The following CST8 variants were observed in gnomAD, a reference collection of about 807,000 sequenced individuals.
CST8 encodes the protein cystatin-8.
CST8 carries 20 observed loss-of-function variants against 11.8 expected under a neutral mutation model. The ratio of observed to expected loss-of-function variants is 1.70; its 90% CI spans 1.20 to 2.47. The LOEUF is 2.47. Among genes scored for constraint, CST8 ranks in the 30% most tolerant of loss-of-function variants. The pLI is 0.00. For missense variants in CST8, 196 were observed against 167.2 expected, an observed-to-expected ratio of 1.17 and a Z score of -0.95; for synonymous variants, 77 against 63.1, an observed-to-expected ratio of 1.22 and a Z score of -1.05.
chr20:23,499,273 G>A (rs1437811531), downstream of CST8, among the ~76,000 whole-genome samples: 1 of 152,156 alleles, frequency 6.6e-6, no homozygotes, highest in East Asian at 1.9e-4. Context: ...TTAATTTAAT[G>A]TTATCTCTTT....
chr20:23,491,847 C>T lies in CST8; in HGVS notation c.180C>T (p.Ser60=), dbSNP rs558256451. The T allele has an allele frequency of 4.3e-5, 70 of 1,614,148 alleles. 1 individual carries two copies. Among genetic ancestry groups the T allele is most frequent in the Admixed American group, 1.7e-4 (10 of 60,020 alleles). Residue 60 remains serine, a synonymous_variant, in exon 2 of 4, where the codon AGC becomes AGT. Transcript: ENST00000246012. Reference sequence around the variant, plus strand: ...CCATGCAAGAATACAACAAAGAGAGCGAGGACAAGTATGTCTTCCTGGTGG... The same window carrying T: ...CCATGCAAGAATACAACAAAGAGAGTGAGGACAAGTATGTCTTCCTGGTGG... ...WFAMQEYNKE[S]EDKYVFLVVK...
At position 23,491,604 on chromosome 20, in the gene CST8, G is replaced by A; in HGVS notation, c.-64G>A. 7.6e-7 allele frequency: 1 copy of A among 1,309,126 alleles called. No individual in the cohort carries two copies. Among genetic ancestry groups the A allele is most frequent in the Non-Finnish European group, 1.1e-6 (1 of 911,532 alleles). 81.1% of individuals were successfully genotyped at this position (1,309,126 alleles called of 1,614,324 possible). ...GCAGCAGCTGCGGCCACCCCATCCT[G>A]CCCACAGCTCCAGCCCTGAGACGAC... On this transcript the variant is annotated 5_prime_UTR_variant, in exon 2 of 4. Transcript: ENST00000246012.
intron 1 of CST8, 43 bp from the exon 2 acceptor site, chr20:23,491,482 A>C: frequency 1.7e-6 from 1 of 600,602 alleles, no homozygotes; most frequent in Admixed American, 3.0e-5. Flanking sequence ...GAAAGAGAGG[A>C]CAAACCCCAA....
downstream of CST8, among the ~76,000 whole-genome samples, chr20:23,500,583 AC>A (rs768570889): frequency 6.6e-6 from 1 of 152,058 alleles, no homozygotes; most frequent in Non-Finnish European, 1.5e-5. Context: ...TCCTTCTCCT[AC>A]GTGGTTGGTA....
At chr20:23,491,936 T>C (rs1213098970) in intron 2 of CST8, 38 bp downstream of exon 2, 2 of 1,521,792 alleles carry the variant, frequency 1.3e-6, no homozygotes, top group Admixed American at 3.3e-5. Flanking sequence ...CATTTGCATA[T>C]GGTGGCACAG....
the CST8 span, among the ~76,000 whole-genome samples, chr20:23,502,175 C>T: frequency 1.3e-5 from 2 of 152,192 alleles, no homozygotes; most frequent in Admixed American, 1.3e-4. Flanking sequence ...GGTGTAGCCA[C>T]AGAAGCCACC....
chr20:23,505,634 T>C, the CST8 span, among the ~76,000 whole-genome samples: 2 of 152,172 alleles, frequency 1.3e-5, no homozygotes, highest in Admixed American at 1.3e-4. Context: ...TGGTCTGATT[T>C]GCCCCGATTC....
the CST8 span, among the ~76,000 whole-genome samples, chr20:23,504,183 C>G: frequency 1.3e-5 from 2 of 152,268 alleles, no homozygotes; most frequent in East Asian, 3.9e-4. Context: ...AAATAATGAC[C>G]TCCTGAAGCC....
At position 23,491,547 on chromosome 20, in the gene CST8, C is replaced by T. The variant is rs933339215; in HGVS notation, c.-121C>T. ...CAGCTGGGCTGACGCTAACAGGAGG[C>T]AGTGTGTGGCTCGAAGATTCTTGAA... On this transcript the variant is annotated 5_prime_UTR_variant, in exon 2 of 4. Transcript: ENST00000246012. The T allele has an allele frequency of 1.3e-6, 1 of 741,766 alleles. No individual in the cohort carries two copies. The highest frequency in any genetic ancestry group is 2.3e-6 in the Non-Finnish European group (1 of 428,428). 45.9% of individuals were successfully genotyped at this position (741,766 alleles called of 1,614,324 possible). A position where few individuals can be genotyped will look rare whatever the true frequency, so the allele number is the denominator to read the frequency against.
chr20:23,499,046 TGATA>T, downstream of CST8, among the ~76,000 whole-genome samples: 1 of 152,166 alleles, frequency 6.6e-6, no homozygotes, highest in Non-Finnish European at 1.5e-5. Context: ...TTGTCTTTCC[TGATA>T]GATAGGTGAG....
chr20:23,501,717 G>A, the CST8 span, among the ~76,000 whole-genome samples: 2 of 152,202 alleles, frequency 1.3e-5, no homozygotes, highest in East Asian at 1.9e-4. Flanking sequence ...GTGCTCAGAC[G>A]CTGATGATGG....
chr20:23,505,095 C>T, the CST8 span, among the ~76,000 whole-genome samples: 11 of 151,716 alleles, frequency 7.3e-5, no homozygotes, highest in Non-Finnish European at 1.5e-4. Flanking sequence ...CGTAACGCAC[C>T]CCTAGATAAA....
chr20:23,502,460 G>A, the CST8 span, among the ~76,000 whole-genome samples: 64 of 152,138 alleles, frequency 4.2e-4, 1 homozygote, highest in Admixed American at 4.2e-3. Flanking sequence ...ACGCTTTGAA[G>A]ACAAAAGAAG....
At chr20:23,506,025 A>G in the CST8 span, among the ~76,000 whole-genome samples, 1 of 150,924 alleles carries the variant, frequency 6.6e-6, no homozygotes, top group Non-Finnish European at 1.5e-5. Flanking sequence ...GATCCTGTAT[A>G]CCATTTTGCT....
At chr20:23,499,506 G>T (rs551239973), downstream of CST8, among the ~76,000 whole-genome samples, 1 of 152,144 alleles carries the variant, frequency 6.6e-6, no homozygotes, top group Admixed American at 6.5e-5. Flanking sequence ...GGCCTGCTGC[G>T]TTCTCTTAAA....
chr20:23,500,384 A>G (rs1236300352), downstream of CST8, among the ~76,000 whole-genome samples: 1 of 152,132 alleles, frequency 6.6e-6, no homozygotes, highest in Non-Finnish European at 1.5e-5. Context: ...CTGGTCTCAG[A>G]GGACGTGAGT....
chr20:23,492,611 G>T (rs1269264252), intron 2 of CST8, among the ~76,000 whole-genome samples: 1 of 152,230 alleles, frequency 6.6e-6, no homozygotes, highest in Non-Finnish European at 1.5e-5. Context: ...AGAGCTGATG[G>T]TTCTGAAGAG....
downstream of CST8, chr20:23,496,167 G>A (rs1203793868): frequency 1.5e-5 from 7 of 461,022 alleles, no homozygotes. Context: ...GTTAGGGTGA[G>A]GTCTGATTCC....
In CST8 at chr20:23,491,825, T is replaced by A; in HGVS notation, c.158T>A (p.Met53Lys). Residue 53 changes from methionine to lysine, a missense_variant, in exon 2 of 4, where the codon ATG becomes AAG. Met to Lys is a moderately conservative substitution (Grantham distance 95, BLOSUM62 -1). Coordinates refer to ENST00000246012, the MANE Select transcript of CST8 (RefSeq NM_005492.4). ...ANVKQCLWFAMQEYNKESEDK... is the reference protein window; with the variant it reads ...ANVKQCLWFAKQEYNKESEDK... The stretch of plus-strand genomic sequence containing the variant: ...GTGAAGCAGTGTCTGTGGTTTGCCA[T>A]GCAAGAATACAACAAAGAGAGCGAG... 1 of 1,614,186 alleles carries A rather than the reference T, an allele frequency of 6.2e-7. No homozygotes were observed. Among genetic ancestry groups the A allele is most frequent in the South Asian group, 1.1e-5 (1 of 91,086 alleles).
Sources: gnomAD v4.1 joint callset for allele counts (sites outside exome capture counted in the v4.1 genomes callset) on GRCh38, gnomAD v4.1.1 for gene constraint, MANE v1.5 for transcripts, NCBI Gene and HGNC (gene_info 2026-07-23, HGNC 2026-07-21) for gene names.